Variants in DNAH10 observed in about 807,000 individuals in gnomAD.
The protein encoded by DNAH10 is dynein axonemal heavy chain 10.
Under a neutral mutation model 506.6 loss-of-function variants are expected in DNAH10, and 348 were observed. That is an observed-to-expected ratio of 0.69 (90% CI 0.63 to 0.75). The LOEUF is 0.75. Ranked by LOEUF, DNAH10 falls within the 30% of genes least tolerant of loss-of-function variation. The pLI, the probability that DNAH10 is intolerant of heterozygous loss-of-function variation, is 0.00. For missense variants in DNAH10, 5,179 were observed against 5,787.1 expected (o/e 0.89, Z 3.41); for synonymous variants, 2,059 against 2,198.6 (o/e 0.94, Z 1.78).
chr12:123,857,654 C>A (rs375585949), intron 37 of DNAH10, among the ~76,000 whole-genome samples: 1 of 152,072 alleles, frequency 6.6e-6, no homozygotes, highest in African/African-American at 2.4e-5. Flanking sequence ...CTGGAACGCG[C>A]GAGGTGGAGG....
chr12:123,856,634 A>G (rs1003654206), intron 36 of DNAH10, among the ~76,000 whole-genome samples: 15 of 150,634 alleles, frequency 1.0e-4, no homozygotes, highest in African/African-American at 3.6e-4. Flanking sequence ...ACCCGGCCAT[A>G]TATGTGTATA....
intron 19 of DNAH10, among the ~76,000 whole-genome samples, chr12:123,810,187 G>A (rs1015844873): frequency 6.6e-6 from 1 of 152,088 alleles, no homozygotes; most frequent in Non-Finnish European, 1.5e-5. Context: ...ACATCTGCTG[G>A]CAGAAAACCC....
chr12:123,932,214 T>TA, intron 76 of DNAH10, 106 bp downstream of exon 76: 1 of 1,337,244 alleles, frequency 7.5e-7, no homozygotes. Context: ...TAACCTCTGT[T>TA]AAAGTTTATT....
At chr12:123,770,118 T>A (rs1957194956) in intron 2 of DNAH10, among the ~76,000 whole-genome samples, 2 of 151,674 alleles carry the variant, frequency 1.3e-5, no homozygotes, top group African/African-American at 2.4e-5. Flanking sequence ...CATGGTGGCA[T>A]GTACCTGTAA....
rs374332859 is a variant in DNAH10, at chr12:123,813,299, C to G, written c.3280C>G (p.Pro1094Ala). The change falls in exon 20 of 79, where the codon CCC (proline) becomes GCC (alanine). Residue 1094 changes from proline (P) to alanine (A), a missense_variant. Around this residue, in one of 3 missense-constraint regions of DNAH10, gnomAD observed 4,844 missense variants for 5,430.5 expected, o/e 0.89. Coordinates refer to ENST00000673944, the MANE Select transcript of DNAH10 (RefSeq NM_001372106.1). Reference sequence around the variant, plus strand: ...GATAATTGAACAAGCTGTTATGATCCCCCAAAATGTCCACAGGATTCTGAT... The same window carrying G: ...GATAATTGAACAAGCTGTTATGATCGCCCAAAATGTCCACAGGATTCTGAT... ...PQIIEQAVMI[P>A]QNVHRILINL... 17 of 1,613,944 alleles carry G rather than the reference C, an allele frequency of 1.1e-5. No homozygotes were observed. Among genetic ancestry groups the G allele is most frequent in the Non-Finnish European group, 1.4e-5 (16 of 1,180,030 alleles).
Position 123,914,324 on chromosome 12 carries a change from G to A in DNAH10, c.10353-5G>A, listed in dbSNP as rs750951471. 4 of 1,610,280 alleles carry A rather than the reference G, an allele frequency of 2.5e-6. No individual in the cohort carries two copies. The East Asian group carries it at 8.9e-5, about 36-fold the overall frequency. The stretch of plus-strand genomic sequence containing the variant: ...CACGGCAGCCTCCCTCTCCTCCCGT[G>A]CCAGGTGGCTGAACGACCTGGATGA... On this transcript the variant is annotated splice_polypyrimidine_tract_variant and splice_region_variant and intron_variant, in intron 60 of 78. Transcript: ENST00000673944.
chr12:123,915,238 T>C (rs1954421895), intron 62 of DNAH10, among the ~76,000 whole-genome samples: 1 of 152,160 alleles, frequency 6.6e-6, no homozygotes, highest in African/African-American at 2.4e-5. Flanking sequence ...GTGAGCAACC[T>C]TAGCTTCGTG....
Position 123,853,380 on chromosome 12 carries a change from T to C in DNAH10, c.6438+28T>C. 6.2e-7 allele frequency: 1 copy of C among 1,600,102 alleles called. No homozygotes were observed. The highest frequency in any genetic ancestry group is 8.5e-7 in the Non-Finnish European group (1 of 1,172,966). Reference sequence around the variant, plus strand: ...AGGGGCCACGTGCTGGAACATTCTCTGGTTTCAGCTGCTTCAGGCATTTAC... The same window carrying C: ...AGGGGCCACGTGCTGGAACATTCTCCGGTTTCAGCTGCTTCAGGCATTTAC... On this transcript the variant is annotated intron_variant, in intron 36 of 78. Coordinates refer to ENST00000673944, the MANE Select transcript of DNAH10 (RefSeq NM_001372106.1). The surrounding 1 kb of genome is among the most constrained non-coding windows in gnomAD (Gnocchi z 4.7).
In DNAH10 at chr12:123,935,326, C is replaced by T; in HGVS notation, c.13624-9C>T. 6.3e-7 allele frequency: 1 copy of T among 1,598,404 alleles called. No individual in the cohort carries two copies. ...CCGTGGGGGCATCTCACCTGCCTTT[C>T]CCTTGCAGAATACTTTCCGGACCCC... On this transcript the variant is annotated splice_polypyrimidine_tract_variant and intron_variant, in intron 78 of 78. Coordinates refer to ENST00000673944, the MANE Select transcript of DNAH10 (RefSeq NM_001372106.1).
rs1951025830 is a variant in DNAH10 at position 123,848,036 on chromosome 12, G to A, written c.5890G>A (p.Ala1964Thr). 1 of 1,614,010 alleles carries A rather than the reference G, an allele frequency of 6.2e-7. No homozygotes were observed. Among genetic ancestry groups the A allele is most frequent in the Non-Finnish European group, 8.5e-7 (1 of 1,179,880 alleles). The change falls in exon 33 of 79, where the codon GCG (alanine) becomes ACG (threonine). Residue 1964 changes from alanine to threonine, a missense_variant. Transcript: ENST00000673944. ...TGKTETTKDLAKALGLLCVVT... is the reference protein window; with the variant it reads ...TGKTETTKDLTKALGLLCVVT... ...CAAAACCGAGACCACCAAGGACCTG[G>A]CGAAAGCCTTGGGCTTGCTCTGTGT... is the stretch of plus-strand genomic sequence containing the variant.
In DNAH10 at chr12:123,916,549, C is replaced by T; in HGVS notation, c.10815C>T (p.Tyr3605=). The change falls in exon 63 of 79, where the codon TAC becomes TAT. Residue 3605 remains tyrosine, a synonymous_variant. Transcript: ENST00000673944. This position sits in a 1 kb window ranked among gnomAD's most constrained non-coding sequence, Gnocchi z 4.6. ...TPFLFRDVDE[Y]IDPVIDNVLE... ...TCCTGTTCCGCGATGTTGATGAATA[C>T]ATCGATCCTGTGATTGACAACGTCT... 1.9e-6 allele frequency: 3 copies of T among 1,613,842 alleles called. No homozygotes were observed. The highest frequency in any genetic ancestry group is 2.5e-6 in the Non-Finnish European group (3 of 1,179,878).
In DNAH10 at chr12:123,916,235, T is replaced by C. The variant is rs1954471740; in HGVS notation, c.10723-222T>C. The stretch of plus-strand genomic sequence containing the variant: ...AGCTTACGGGAGAGGGGCTGAGGAA[T>C]CCCCTTCCTTTCCTCTCTACCCTGT... On this transcript the variant is annotated intron_variant, in intron 62 of 78. Transcript: ENST00000673944. The surrounding 1 kb of genome is among the most constrained non-coding windows in gnomAD (Gnocchi z 4.6). Among the ~76,000 whole-genome samples, 1 of 152,154 alleles carries C rather than the reference T, an allele frequency of 6.6e-6. No homozygotes were observed. Among genetic ancestry groups the C allele is most frequent in the Non-Finnish European group, 1.5e-5 (1 of 68,028 alleles).
In DNAH10 at chr12:123,785,229, G is replaced by A. The variant is rs11832319; in HGVS notation, c.1231-517G>A. Among the ~76,000 whole-genome samples the A allele has an allele frequency of 0.014, 2,181 of 152,182 alleles. 48 individuals are homozygous for A. Among genetic ancestry groups the A allele is most frequent in the African/African-American group, 0.049 (2,037 of 41,512 alleles). On this transcript the variant is annotated intron_variant, in intron 8 of 78. Coordinates refer to ENST00000673944, the MANE Select transcript of DNAH10 (RefSeq NM_001372106.1). The surrounding 1 kb of genome is among the most constrained non-coding windows in gnomAD (Gnocchi z 4.1). ...AATACACGAAGGTTCTGGTTTTTCC[G>A]TATCTTCACCACCACTTGTTATCGT...
At chr12:123,777,601 T>G (rs1211795614) in intron 5 of DNAH10, among the ~76,000 whole-genome samples, 1 of 152,242 alleles carries the variant, frequency 6.6e-6, no homozygotes, top group Non-Finnish European at 1.5e-5. Flanking sequence ...AGTGTGACTT[T>G]GGAGGACTCA....
At chr12:123,890,482 T>C (rs1012256064) in intron 52 of DNAH10, among the ~76,000 whole-genome samples, 3 of 151,742 alleles carry the variant, frequency 2.0e-5, no homozygotes, top group Non-Finnish European at 4.4e-5. Flanking sequence ...GGTGGAGTCT[T>C]CCTGCATTGC....
rs1382964845 is a variant in DNAH10 at position 123,787,622 on chromosome 12, C to G, written c.1422-182C>G. ...GCAACGGAAACCTCGCAGCTTGGGA[C>G]TCCCGCCCTTGCACATGGGACAGGG... On this transcript the variant is annotated intron_variant, in intron 9 of 78. Transcript: ENST00000673944. The surrounding 1 kb of genome is among the most constrained non-coding windows in gnomAD (Gnocchi z 4.6). Among the ~76,000 whole-genome samples the G allele has an allele frequency of 6.6e-6, 1 of 152,262 alleles. No individual in the cohort carries two copies. Among genetic ancestry groups the G allele is most frequent in the Non-Finnish European group, 1.5e-5 (1 of 68,048 alleles).
intron 47 of DNAH10, among the ~76,000 whole-genome samples, chr12:123,876,203 A>G (rs1952249538): frequency 2.0e-5 from 3 of 152,184 alleles, no homozygotes; most frequent in Admixed American, 2.0e-4. Context: ...TGGCCCGTTC[A>G]TGCCCTACCT....
rs1289816682 is a variant in DNAH10, at chr12:123,794,127, G to A, written c.1986+15G>A. 1.0e-5 allele frequency: 12 copies of A among 1,165,804 alleles called. No individual in the cohort carries two copies. Among genetic ancestry groups the A allele is most frequent in the Non-Finnish European group, 1.3e-5 (12 of 921,842 alleles). 72.2% of individuals were successfully genotyped at this position (1,165,804 alleles called of 1,614,324 possible). A position where few individuals can be genotyped will look rare whatever the true frequency, so the allele number is the denominator to read the frequency against. The stretch of plus-strand genomic sequence containing the variant: ...ACTGTAAAGAGGTAATTGAAAAATC[G>A]ATAGCTGCCATAGCATTAAAAATAC... On this transcript the variant is annotated intron_variant, in intron 12 of 78. Coordinates refer to ENST00000673944, the MANE Select transcript of DNAH10 (RefSeq NM_001372106.1).
chr12:123,921,691 G>GTTTTTTTTTTT (rs35553163), intron 65 of DNAH10, among the ~76,000 whole-genome samples: 8 of 62,884 alleles, frequency 1.3e-4, no homozygotes, highest in Non-Finnish European at 1.7e-4. Flanking sequence ...GTAGCTTGCA[G>GTTTTTTTTTTT]TTTTTTTTTT....
Sources: gnomAD v4.1 joint callset for allele counts (sites outside exome capture counted in the v4.1 genomes callset) on GRCh38, gnomAD v4.1.1 for gene constraint, gnomAD v4.1.1 regional missense constraint, Gnocchi (gnomAD v3.1) non-coding constraint, MANE v1.5 for transcripts, NCBI Gene and HGNC (gene_info 2026-07-23, HGNC 2026-07-21) for gene names.